The following CPEB3 variants were observed in gnomAD, a reference collection of about 807,000 sequenced individuals.
CPEB3 encodes cytoplasmic polyadenylation element-binding protein 3.
In CPEB3, 20 loss-of-function variants were observed where a neutral mutation model predicts 67.2. That is an observed-to-expected ratio of 0.30 (90% CI 0.21 to 0.43). CPEB3 has a LOEUF of 0.43. CPEB3 is among the 20% of genes least tolerant of loss of function. The pLI is 1.00. For synonymous variants in CPEB3, 376 were observed against 393.1 expected (o/e 0.96, Z 0.51); for missense variants, 746 against 968.6 (o/e 0.77, Z 3.05).
chr10:92,097,115 A>G (rs908585651), intron 7 of CPEB3, among the ~76,000 whole-genome samples: 1 of 152,206 alleles, frequency 6.6e-6, no homozygotes, highest in Non-Finnish European at 1.5e-5. Flanking sequence ...GCAGTAACAC[A>G]CTGGAGTAAA....
At chr10:92,100,933 A>T (rs535441312) in intron 7 of CPEB3, among the ~76,000 whole-genome samples, 2 of 152,236 alleles carry the variant, frequency 1.3e-5, no homozygotes, top group South Asian at 4.1e-4. Flanking sequence ...CAAATTTCTC[A>T]ACATAACCAC....
At chr10:92,131,356 C>T (rs1410578992) in intron 6 of CPEB3, among the ~76,000 whole-genome samples, 2 of 152,136 alleles carry the variant, frequency 1.3e-5, no homozygotes, top group Non-Finnish European at 2.9e-5. Flanking sequence ...GTGCTAAACT[C>T]CGTACTGCTC....
chr10:92,241,041 T>C (rs1243770023), intron 1 of CPEB3, among the ~76,000 whole-genome samples: 2 of 152,090 alleles, frequency 1.3e-5, no homozygotes, highest in Admixed American at 6.6e-5. Context: ...TCCATTTTGT[T>C]AGGAGACAGT....
chr10:92,070,034 A>T (rs1247949227), intron 9 of CPEB3, among the ~76,000 whole-genome samples: 1 of 152,166 alleles, frequency 6.6e-6, no homozygotes, highest in Non-Finnish European at 1.5e-5. Flanking sequence ...ACACATTTGG[A>T]AAAAAAGGGA....
At chr10:92,227,381 TACA>T (rs1311070149) in intron 2 of CPEB3, among the ~76,000 whole-genome samples, 1 of 152,142 alleles carries the variant, frequency 6.6e-6, no homozygotes, top group African/African-American at 2.4e-5. Context: ...ATCAAAATAA[TACA>T]ACACCCAAAA....
At chr10:92,139,892 G>A (rs532801881) in intron 6 of CPEB3, among the ~76,000 whole-genome samples, 1 of 152,140 alleles carries the variant, frequency 6.6e-6, no homozygotes, top group East Asian at 1.9e-4. Context: ...GGCCAATATG[G>A]TGAAAACCTG....
chr10:92,084,692 G>A (rs1421407803), intron 8 of CPEB3, among the ~76,000 whole-genome samples: 1 of 152,086 alleles, frequency 6.6e-6, no homozygotes, highest in East Asian at 1.9e-4. Context: ...CCATTCTTCT[G>A]CCTCAGCCTC....
intron 9 of CPEB3, among the ~76,000 whole-genome samples, chr10:92,070,096 C>A (rs1842698791): frequency 6.6e-6 from 1 of 152,140 alleles, no homozygotes. Flanking sequence ...TGCATTTGAG[C>A]ATGAAAGAAG....
intron 7 of CPEB3, among the ~76,000 whole-genome samples, chr10:92,098,770 C>CTTTTT (rs984013045): frequency 6.4e-5 from 8 of 124,556 alleles, no homozygotes; most frequent in East Asian, 2.2e-4. Flanking sequence ...TTCTTTTTTT[C>CTTTTT]TTTTTTTTTT....
chr10:92,255,487 C>A (rs974564602), intron 1 of CPEB3, among the ~76,000 whole-genome samples: 3 of 152,134 alleles, frequency 2.0e-5, no homozygotes. Flanking sequence ...ATTTAAGATG[C>A]CTTCCCAAGA....
At chr10:92,077,305 G>A (rs1049734523) in intron 9 of CPEB3, among the ~76,000 whole-genome samples, 2 of 152,136 alleles carry the variant, frequency 1.3e-5, no homozygotes, top group African/African-American at 4.8e-5. Flanking sequence ...CAAAATGCCA[G>A]AGGCAATAAA....
At chr10:92,165,451 A>ATTG (rs1847695082) in intron 4 of CPEB3, among the ~76,000 whole-genome samples, 1 of 102,526 alleles carries the variant, frequency 9.8e-6, no homozygotes, top group South Asian at 3.1e-4. Flanking sequence ...CTCCATGTGG[A>ATTG]TTGTTGCTAA....
At chr10:92,075,197 T>C (rs1365052395) in intron 9 of CPEB3, among the ~76,000 whole-genome samples, 1 of 152,188 alleles carries the variant, frequency 6.6e-6, no homozygotes, top group African/African-American at 2.4e-5. Flanking sequence ...ATCACAGTAA[T>C]AGCAGGGTTC....
At position 92,091,930 on chromosome 10, in the gene CPEB3, T is replaced by C. The variant is rs369153928; in HGVS notation, c.1587A>G (p.Pro529=). Residue 529 remains proline (P), a synonymous_variant, in exon 8 of 10, where the codon CCA becomes CCG. Transcript: ENST00000265997. The part of the protein sequence containing the change: ...TIKDKPVQIR[P]WNLSDSDFVM... ...CAAAGTCACTGTCACTTAGGTTCCA[T>C]GGTCGAATTTGCACCTGAAAAAAAG... is the stretch of plus-strand genomic sequence containing the variant. 2.0e-5 allele frequency: 32 copies of C among 1,612,378 alleles called. 1 individual carries two copies. In the South Asian group the frequency reaches 2.4e-4, roughly 12 times the overall value.
intron 1 of CPEB3, among the ~76,000 whole-genome samples, chr10:92,256,477 C>T (rs1040675410): frequency 2.0e-5 from 3 of 151,944 alleles, no homozygotes; most frequent in African/African-American, 7.3e-5. Flanking sequence ...CAACCTCCGC[C>T]TCCTGGGTTC....
intron 4 of CPEB3, among the ~76,000 whole-genome samples, chr10:92,168,307 G>C (rs1443062697): frequency 6.6e-6 from 1 of 152,102 alleles, no homozygotes; most frequent in Non-Finnish European, 1.5e-5. Flanking sequence ...AGCAAAACAG[G>C]ATTTATTTCT....
At chr10:92,200,209 G>A (rs1466412981) in intron 2 of CPEB3, among the ~76,000 whole-genome samples, 12 of 152,210 alleles carry the variant, frequency 7.9e-5, no homozygotes, top group African/African-American at 2.9e-4. Context: ...AGTCTTCCAT[G>A]CAATAAATTC....
In CPEB3 at chr10:92,047,344, CA is replaced by C. The variant is rs1290755741; in HGVS notation, c.*4867del. ...ATCCATTCAAATAAGCCAGTTTTAA[CA>C]AAAAGATACATTTTTTTCACTAATC... On this transcript the variant is annotated 3_prime_UTR_variant, in exon 10 of 10. Transcript: ENST00000265997. 1 of 151,600 alleles carries C rather than the reference CA, an allele frequency of 6.6e-6. No individual in the cohort carries two copies. The highest frequency in any genetic ancestry group is 1.5e-5 in the Non-Finnish European group (1 of 67,930). The allele number at this position is 151,600 out of a possible 1,614,324, so 9.4% of individuals were successfully genotyped here.
chr10:92,084,772 G>C (rs892119339), intron 8 of CPEB3, among the ~76,000 whole-genome samples: 31 of 152,124 alleles, frequency 2.0e-4, no homozygotes, highest in African/African-American at 7.5e-4. Context: ...GTAGAGACTG[G>C]GTTTCACCGT....
Sources: gnomAD v4.1 joint callset for allele counts (sites outside exome capture counted in the v4.1 genomes callset) on GRCh38, gnomAD v4.1.1 for gene constraint, MANE v1.5 for transcripts, NCBI Gene and HGNC (gene_info 2026-07-23, HGNC 2026-07-21) for gene names.